Variants in MGST1 observed in about 807,000 individuals in gnomAD.
MGST1 encodes glutathione S-transferase 12.
In MGST1, 5 loss-of-function variants were observed where a neutral mutation model predicts 8.9. That is an observed-to-expected ratio of 0.56 (90% CI 0.29 to 1.19). The LOEUF (loss-of-function observed/expected upper bound fraction) is 1.19, where lower values mean the gene tolerates loss of function less well. Among genes scored for constraint, MGST1 ranks in the 50% most tolerant of loss-of-function variants. The pLI, the probability that MGST1 is intolerant of heterozygous loss-of-function variation, is 0.08. For synonymous variants in MGST1, 54 were observed against 67.8 expected, an observed-to-expected ratio of 0.80 and a Z score of 1.00; for missense variants, 182 against 187.4, an observed-to-expected ratio of 0.97 and a Z score of 0.17.
At chr12:16,530,943 G>A (rs939898171) in intron 4 of MGST1, among the ~76,000 whole-genome samples, 1 of 151,986 alleles carries the variant, frequency 6.6e-6, no homozygotes, top group Non-Finnish European at 1.5e-5. Flanking sequence ...GAAGACTTGG[G>A]AAGTGAATAA....
chr12:16,496,169 CAG>C (rs1237398789), intron 4 of MGST1, among the ~76,000 whole-genome samples: 1 of 152,000 alleles, frequency 6.6e-6, no homozygotes, highest in Non-Finnish European at 1.5e-5. Context: ...GAGAAATTCT[CAG>C]AGAGGTGTGT....
chr12:16,578,661 T>C (rs1343099209), intron 4 of MGST1, among the ~76,000 whole-genome samples: 1 of 151,944 alleles, frequency 6.6e-6, no homozygotes, highest in Non-Finnish European at 1.5e-5. Context: ...CTACTAAAAA[T>C]ACAAAAATTA....
chr12:16,446,273 A>C (rs1374312459), intron 4 of MGST1, among the ~76,000 whole-genome samples: 1 of 151,940 alleles, frequency 6.6e-6, no homozygotes, highest in Non-Finnish European at 1.5e-5. Context: ...GCAGTTGCAG[A>C]GTGACTAAGG....
At chr12:16,405,282 T>C (rs1448708751) in intron 1 of MGST1, among the ~76,000 whole-genome samples, 3 of 152,034 alleles carry the variant, frequency 2.0e-5, no homozygotes, top group African/African-American at 7.2e-5. Flanking sequence ...GATAAACCTC[T>C]ATGCACCCCT....
intron 3 of MGST1, among the ~76,000 whole-genome samples, chr12:16,358,506 A>G (rs1220160462): frequency 7.3e-5 from 11 of 150,992 alleles, no homozygotes; most frequent in Non-Finnish European, 1.6e-4. Context: ...TCACTCTGTC[A>G]CCTAGGCTGG....
At chr12:16,522,016 C>T (rs1166503401) in intron 4 of MGST1, among the ~76,000 whole-genome samples, 1 of 152,122 alleles carries the variant, frequency 6.6e-6, no homozygotes. Context: ...GAACATTTTT[C>T]CCCAATTATT....
chr12:16,516,085 G>A (rs1189600228), intron 4 of MGST1, among the ~76,000 whole-genome samples: 1 of 152,042 alleles, frequency 6.6e-6, no homozygotes, highest in African/African-American at 2.4e-5. Flanking sequence ...TTTAATGTCA[G>A]GCCTTAGCAT....
At chr12:16,469,414 C>A (rs113077010) in intron 4 of MGST1, among the ~76,000 whole-genome samples, 1 of 152,260 alleles carries the variant, frequency 6.6e-6, no homozygotes, top group African/African-American at 2.4e-5. Flanking sequence ...GTCTCAAACT[C>A]CTGACTTCAG....
intron 3 of MGST1, among the ~76,000 whole-genome samples, chr12:16,370,958 A>G (rs558226744): frequency 3.3e-5 from 5 of 152,316 alleles, no homozygotes; most frequent in African/African-American, 1.2e-4. Flanking sequence ...TTAATGTCTC[A>G]GAATAATAAT....
chr12:16,386,516 A>G (rs958802872), intron 1 of MGST1, among the ~76,000 whole-genome samples: 1 of 152,220 alleles, frequency 6.6e-6, no homozygotes, highest in Non-Finnish European at 1.5e-5. Context: ...CCTGCCTCCC[A>G]GCCTACTCTC....
At position 16,401,726 on chromosome 12, in the gene MGST1, A is replaced by G. The variant is rs2137063284; in HGVS notation, n.778+18122A>G. ...TTTCCACAGTAGAAGGGTCTGCCCC[A>G]GCAAGGTATTTTTTCTCTTCAACGG... On this transcript the variant is annotated intron_variant and non_coding_transcript_variant, in intron 1 of 1. Coordinates refer to the MGST1 transcript ENST00000359720. The surrounding 1 kb of genome is among the most constrained non-coding windows in gnomAD (Gnocchi z 4.3). 4 of 1,601,458 alleles carry G rather than the reference A, an allele frequency of 2.5e-6. No individual in the cohort carries two copies. In the South Asian group the frequency reaches 3.3e-5, roughly 13 times the overall value.
rs1941521159 is a variant in MGST1 at position 16,503,974 on chromosome 12, T to C, written n.483-85554T>C. 6.6e-6 allele frequency among the ~76,000 whole-genome samples: 1 copy of C among 152,250 alleles called. No individual in the cohort carries two copies. The highest frequency in any genetic ancestry group is 2.4e-5 in the African/African-American group (1 of 41,562). On this transcript the variant is annotated intron_variant and non_coding_transcript_variant, in intron 4 of 4. Coordinates refer to the MGST1 transcript ENST00000538857. The surrounding 1 kb of genome is among the most constrained non-coding windows in gnomAD (Gnocchi z 4.8). ...TATGCTGCTGCCCTATGCTGCTGCT[T>C]CGATAAAAGGTGTTGTCTAACACTT... is the stretch of plus-strand genomic sequence containing the variant.
At chr12:16,429,567 A>C (rs767463006) in intron 1 of MGST1, among the ~76,000 whole-genome samples, 1 of 152,204 alleles carries the variant, frequency 6.6e-6, no homozygotes, top group African/African-American at 2.4e-5. Context: ...TTCCTGACCA[A>C]TAAGATGGAG....
chr12:16,536,789 G>A (rs1941759188), intron 4 of MGST1, among the ~76,000 whole-genome samples: 1 of 152,120 alleles, frequency 6.6e-6, no homozygotes, highest in South Asian at 2.1e-4. Flanking sequence ...GAACAGTATG[G>A]GGGAAACTAC....
intron 4 of MGST1, among the ~76,000 whole-genome samples, chr12:16,448,398 A>G (rs1269178394): frequency 6.6e-6 from 1 of 151,754 alleles, no homozygotes. Context: ...GATCTGGAGG[A>G]TAGGGTTAAT....
At chr12:16,374,777 A>G (rs529921018) in intron 3 of MGST1, among the ~76,000 whole-genome samples, 2 of 152,230 alleles carry the variant, frequency 1.3e-5, no homozygotes, top group Non-Finnish European at 2.9e-5. Flanking sequence ...AAAGAATTAG[A>G]AAAATCTCTA....
intron 1 of MGST1, chr12:16,400,591 A>G: frequency 9.8e-6 from 10 of 1,017,478 alleles, no homozygotes; most frequent in Non-Finnish European, 1.3e-5. Context: ...CAAGGCTGGT[A>G]CTGTCTGTTC....
chr12:16,461,998 G>A (rs537487370), intron 4 of MGST1, among the ~76,000 whole-genome samples: 1 of 152,170 alleles, frequency 6.6e-6, no homozygotes, highest in South Asian at 2.1e-4. Context: ...TATATGAGAA[G>A]CCTGTTTTCC....
chr12:16,568,333 C>G (rs937447868), intron 4 of MGST1, among the ~76,000 whole-genome samples: 2 of 152,160 alleles, frequency 1.3e-5, no homozygotes, highest in Non-Finnish European at 2.9e-5. Flanking sequence ...TTGAGATACT[C>G]AGAGAAACAT....
Sources: gnomAD v4.1 joint callset for allele counts (sites outside exome capture counted in the v4.1 genomes callset) on GRCh38, gnomAD v4.1.1 for gene constraint, Gnocchi (gnomAD v3.1) non-coding constraint, MANE v1.5 for transcripts, NCBI Gene and HGNC (gene_info 2026-07-23, HGNC 2026-07-21) for gene names.